TRAPPC9: variants seen among roughly 807,000 people sequenced by gnomAD.
TRAPPC9 encodes the protein IKK2 binding protein.
In TRAPPC9, 83 loss-of-function variants were observed where a neutral mutation model predicts 124.0. The observed-to-expected ratio is 0.67, with a 90% CI of 0.56 to 0.80. The LOEUF is 0.80. Ranked by LOEUF, TRAPPC9 falls within the 30% of genes least tolerant of loss-of-function variation. The pLI is 0.00. For synonymous variants in TRAPPC9, 638 were observed against 617.5 expected (o/e 1.03, Z -0.49); for missense variants, 1,302 against 1,508.3 (o/e 0.86, Z 2.27).
chr8:140,419,255 C>CG (rs2070074724), intron 5 of TRAPPC9, among the ~76,000 whole-genome samples: 1 of 151,764 alleles, frequency 6.6e-6, no homozygotes, highest in African/African-American at 2.4e-5. Flanking sequence ...GGTGAAACCC[C>CG]GTCTCTACTG....
At chr8:139,826,128 C>T (rs867576992) in intron 21 of TRAPPC9, among the ~76,000 whole-genome samples, 14 of 152,132 alleles carry the variant, frequency 9.2e-5, no homozygotes, top group African/African-American at 2.7e-4. Flanking sequence ...CCTGGAGCCT[C>T]GTTGGTTCTC....
At chr8:140,327,472 C>A (rs953925572) in intron 9 of TRAPPC9, among the ~76,000 whole-genome samples, 1 of 152,172 alleles carries the variant, frequency 6.6e-6, no homozygotes, top group Non-Finnish European at 1.5e-5. Flanking sequence ...ATGTGCATAG[C>A]AGCAGCATTC....
At chr8:140,027,715 G>T (rs887629937) in intron 17 of TRAPPC9, among the ~76,000 whole-genome samples, 2 of 152,154 alleles carry the variant, frequency 1.3e-5, no homozygotes, top group Non-Finnish European at 2.9e-5. Flanking sequence ...AAGAAAAGAG[G>T]TTTAATTGAC....
At chr8:139,786,314 A>G (rs1822246488) in intron 21 of TRAPPC9, among the ~76,000 whole-genome samples, 1 of 152,228 alleles carries the variant, frequency 6.6e-6, no homozygotes, top group Non-Finnish European at 1.5e-5. Context: ...GGTACTTAAC[A>G]CCGTGAGTCA....
intron 19 of TRAPPC9, among the ~76,000 whole-genome samples, chr8:139,929,790 G>A (rs997249777): frequency 4.6e-5 from 7 of 152,210 alleles, no homozygotes; most frequent in East Asian, 1.9e-4. Context: ...CCTGGGCAGC[G>A]CTGGCCAGGT....
intron 4 of TRAPPC9, among the ~76,000 whole-genome samples, chr8:140,433,182 C>T (rs1394905033): frequency 6.6e-6 from 1 of 151,574 alleles, no homozygotes; most frequent in East Asian, 1.9e-4. Context: ...AATCCTGTTA[C>T]TCAGGAGGCT....
chr8:140,254,148 G>C (rs1238591494), intron 15 of TRAPPC9, among the ~76,000 whole-genome samples: 1 of 152,158 alleles, frequency 6.6e-6, no homozygotes, highest in East Asian at 1.9e-4. Context: ...GCAAAACTGG[G>C]AGGGCCCCAA....
intron 21 of TRAPPC9, among the ~76,000 whole-genome samples, chr8:139,743,358 C>A (rs1818684221): frequency 1.3e-5 from 2 of 152,210 alleles, no homozygotes; most frequent in Non-Finnish European, 2.9e-5. Context: ...ACTAAGTAGA[C>A]TTCAGTTGCA....
chr8:139,814,317 T>A (rs1335894440), intron 21 of TRAPPC9, among the ~76,000 whole-genome samples: 1 of 152,180 alleles, frequency 6.6e-6, no homozygotes, highest in African/African-American at 2.4e-5. Flanking sequence ...GACACGGCGA[T>A]GAGAAGCCAA....
At chr8:139,877,003 C>T (rs910721360) in intron 21 of TRAPPC9, among the ~76,000 whole-genome samples, 1 of 152,220 alleles carries the variant, frequency 6.6e-6, no homozygotes, top group Non-Finnish European at 1.5e-5. Context: ...GTGTTGCCCT[C>T]GTTCCCACAT....
rs547569504 is a variant in TRAPPC9, at chr8:140,147,740, G to A, written c.2556+73719C>T. Reference sequence around the variant, plus strand: ...ACTTCACGGTTTTAAAAGCATTTTCGTATGGATTACTTTACTTGATTCTCA... The same window carrying A: ...ACTTCACGGTTTTAAAAGCATTTTCATATGGATTACTTTACTTGATTCTCA... On this transcript the variant is annotated intron_variant, in intron 17 of 22. Coordinates refer to ENST00000438773, the MANE Select transcript of TRAPPC9 (RefSeq NM_001160372.4). Among the ~76,000 whole-genome samples the A allele has an allele frequency of 3.9e-5, 6 of 152,286 alleles. No homozygotes were observed. The East Asian group carries it at 9.6e-4, about 24-fold the overall frequency.
chr8:139,918,874 T>C (rs1042858167), intron 19 of TRAPPC9, among the ~76,000 whole-genome samples: 2 of 152,192 alleles, frequency 1.3e-5, no homozygotes, highest in Admixed American at 6.5e-5. Context: ...CCACGGGTCA[T>C]TTTAAATTGA....
At chr8:139,915,721 GA>G (rs1832082606) in intron 19 of TRAPPC9, among the ~76,000 whole-genome samples, 2 of 152,228 alleles carry the variant, frequency 1.3e-5, no homozygotes, top group African/African-American at 4.8e-5. Context: ...TGAATGGGCA[GA>G]GGGGACAAGA....
intron 9 of TRAPPC9, among the ~76,000 whole-genome samples, chr8:140,350,273 C>T (rs2067517587): frequency 1.4e-5 from 2 of 142,262 alleles, no homozygotes; most frequent in Admixed American, 1.4e-4. Flanking sequence ...ACGTCTGCTG[C>T]CACTTCCACC....
At chr8:140,255,863 G>A (rs1279479783) in intron 15 of TRAPPC9, among the ~76,000 whole-genome samples, 2 of 152,220 alleles carry the variant, frequency 1.3e-5, no homozygotes, top group South Asian at 2.1e-4. Context: ...TCCAGCCTGG[G>A]CAACAAAGCG....
chr8:140,228,185 G>A (rs1400493563), intron 16 of TRAPPC9, among the ~76,000 whole-genome samples: 1 of 152,186 alleles, frequency 6.6e-6, no homozygotes, highest in Non-Finnish European at 1.5e-5. Flanking sequence ...ACTCTCTTGT[G>A]AGAGGCACCA....
intron 17 of TRAPPC9, among the ~76,000 whole-genome samples, chr8:140,067,715 G>T (rs1312587315): frequency 1.3e-5 from 2 of 152,174 alleles, no homozygotes; most frequent in African/African-American, 2.4e-5. Context: ...AGTAAAGGGG[G>T]TGAGTATCAA....
intron 18 of TRAPPC9, among the ~76,000 whole-genome samples, chr8:139,991,691 G>A (rs992255697): frequency 1.3e-5 from 2 of 151,808 alleles, no homozygotes; most frequent in Non-Finnish European, 2.9e-5. Context: ...GGACAGACAC[G>A]TTTGCCTGGC....
intron 21 of TRAPPC9, among the ~76,000 whole-genome samples, chr8:139,784,606 G>GATATATAT (rs1463265666): frequency 5.6e-4 from 17 of 30,442 alleles, no homozygotes; most frequent in African/African-American, 1.6e-3. Flanking sequence ...ATAAAAGACT[G>GATATATAT]ACATATATAT....
Sources: allele counts gnomAD v4.1 joint callset (sites outside exome capture counted in the v4.1 genomes callset), GRCh38; gene constraint gnomAD v4.1.1; transcripts MANE v1.5; gene names NCBI Gene and HGNC (gene_info 2026-07-23, HGNC 2026-07-21).